The following STUM variants were observed in gnomAD, a reference collection of about 807,000 sequenced individuals.
STUM encodes the protein stum, mechanosensory transduction mediator homolog.
STUM carries 8 observed loss-of-function variants against 15.3 expected under a neutral mutation model. That is an observed-to-expected ratio of 0.52 (90% CI 0.31 to 0.94). The LOEUF (loss-of-function observed/expected upper bound fraction) is 0.94. Among genes scored for constraint, STUM ranks in the 40% least tolerant of loss-of-function variants. The probability of loss-of-function intolerance (pLI) is 0.05; values close to 1 mark genes in which losing one functional copy is unlikely to be tolerated. For missense variants in STUM, 142 were observed against 204.9 expected (o/e 0.69, Z 1.87); for synonymous variants, 78 against 88.7 (o/e 0.88, Z 0.68).
At chr1:226,561,870 C>T (rs776152435) in intron 1 of STUM, among the ~76,000 whole-genome samples, 7 of 152,138 alleles carry the variant, frequency 4.6e-5, no homozygotes, top group Non-Finnish European at 1.0e-4. Flanking sequence ...ACTGAGTGAA[C>T]GCAATTAACA....
At chr1:226,574,193 T>C (rs1349573197) in intron 1 of STUM, among the ~76,000 whole-genome samples, 1 of 152,192 alleles carries the variant, frequency 6.6e-6, no homozygotes, top group African/African-American at 2.4e-5. Context: ...TCTAGGCTTG[T>C]TCATCTTATG....
chr1:226,579,028 C>T (rs979825113), intron 1 of STUM, among the ~76,000 whole-genome samples: 1 of 152,200 alleles, frequency 6.6e-6, no homozygotes, highest in Admixed American at 6.5e-5. Context: ...GCCCATACCT[C>T]TGTGCATCCC....
chr1:226,594,948 G>T (rs77186454), intron 1 of STUM, among the ~76,000 whole-genome samples: 1 of 152,214 alleles, frequency 6.6e-6, no homozygotes, highest in Non-Finnish European at 1.5e-5. Context: ...GAGCCACTGC[G>T]CCGAGCCCTG....
intron 1 of STUM, among the ~76,000 whole-genome samples, chr1:226,569,611 C>T (rs1667674918): frequency 6.6e-6 from 1 of 152,186 alleles, no homozygotes; most frequent in African/African-American, 2.4e-5. Flanking sequence ...GAGATTCTGA[C>T]TCAATATTAG....
At position 226,602,966 on chromosome 1, in the gene STUM, A is replaced by G. The variant is rs1668296159; in HGVS notation, c.*926A>G. The stretch of plus-strand genomic sequence containing the variant: ...TTTCTAACTTCCCGGCAGAGTGTGG[A>G]ACATCTCGCCTACCATCAGGCACGT... On this transcript the variant is annotated 3_prime_UTR_variant, in exon 4 of 4. Transcript: ENST00000366788. 1 of 152,236 alleles carries G rather than the reference A, an allele frequency of 6.6e-6. No individual in the cohort carries two copies. Among genetic ancestry groups the G allele is most frequent in the South Asian group, 2.1e-4 (1 of 4,834 alleles). The allele number at this position is 152,236 out of a possible 1,614,324, so 9.4% of individuals were successfully genotyped here.
chr1:226,583,904 A>T (rs1261302450), intron 1 of STUM, among the ~76,000 whole-genome samples: 1 of 152,012 alleles, frequency 6.6e-6, no homozygotes, highest in Non-Finnish European at 1.5e-5. Context: ...ATCCTCGCCC[A>T]CTTCTTCTAT....
chr1:226,567,626 G>A lies in STUM; in HGVS notation c.202+18520G>A, dbSNP rs2102692586. On this transcript the variant is annotated intron_variant, in intron 1 of 3. Coordinates refer to ENST00000366788, the MANE Select transcript of STUM (RefSeq NM_001003665.4). The surrounding 1 kb of genome is among the most constrained non-coding windows in gnomAD (Gnocchi z 4.5). ...AATGAGCTATACAAAGAGATCGAGG[G>A]AGGAGATGAACAGGTAAGACAGAGA... 6.6e-6 allele frequency among the ~76,000 whole-genome samples: 1 copy of A among 152,300 alleles called. No individual in the cohort carries two copies. Among genetic ancestry groups the A allele is most frequent in the African/African-American group, 2.4e-5 (1 of 41,552 alleles).
intron 1 of STUM, among the ~76,000 whole-genome samples, chr1:226,591,730 A>G (rs569231569): frequency 6.6e-6 from 1 of 152,342 alleles, no homozygotes; most frequent in Non-Finnish European, 1.5e-5. Context: ...CAAAACTTTC[A>G]TATACACATT....
chr1:226,582,573 C>A (rs1243873495), intron 1 of STUM, among the ~76,000 whole-genome samples: 3 of 141,876 alleles, frequency 2.1e-5, no homozygotes, highest in Non-Finnish European at 4.5e-5. Flanking sequence ...CCAGCCTGAG[C>A]AACAAGAGCA....
At chr1:226,574,034 C>T (rs1667765339) in intron 1 of STUM, among the ~76,000 whole-genome samples, 1 of 152,182 alleles carries the variant, frequency 6.6e-6, no homozygotes, top group Admixed American at 6.5e-5. Context: ...TGGGGTTTTA[C>T]CATGTTGGTC....
chr1:226,569,366 CTG>C (rs1667670683), intron 1 of STUM, among the ~76,000 whole-genome samples: 1 of 152,194 alleles, frequency 6.6e-6, no homozygotes, highest in African/African-American at 2.4e-5. Context: ...GCCCAATGCT[CTG>C]TGACCCAGCA....
intron 1 of STUM, among the ~76,000 whole-genome samples, chr1:226,558,696 C>T (rs1020091306): frequency 2.6e-5 from 4 of 152,176 alleles, no homozygotes; most frequent in African/African-American, 9.7e-5. Flanking sequence ...TGGATGTGCA[C>T]CTGTGTGTTT....
chr1:226,592,223 T>G (rs1446052634), intron 1 of STUM, among the ~76,000 whole-genome samples: 4 of 152,276 alleles, frequency 2.6e-5, no homozygotes, highest in Non-Finnish European at 4.4e-5. Context: ...AATTTTTGTA[T>G]TTTTGGTAGA....
intron 1 of STUM, among the ~76,000 whole-genome samples, chr1:226,557,415 C>G (rs1450366928): frequency 6.6e-6 from 1 of 152,210 alleles, no homozygotes; most frequent in Non-Finnish European, 1.5e-5. Flanking sequence ...CATAACTTAA[C>G]TATTGTGAAT....
chr1:226,577,106 G>A (rs771413828), intron 1 of STUM, among the ~76,000 whole-genome samples: 1 of 152,198 alleles, frequency 6.6e-6, no homozygotes, highest in Admixed American at 6.5e-5. Context: ...GAAAGGTTAG[G>A]TGACTTGTCC....
At chr1:226,579,958 C>T (rs946133699) in intron 1 of STUM, among the ~76,000 whole-genome samples, 2 of 152,078 alleles carry the variant, frequency 1.3e-5, no homozygotes, top group African/African-American at 2.4e-5. Flanking sequence ...TGGGAGCAGC[C>T]GAAGGATAAT....
chr1:226,601,419 C>G (rs1273859184), intron 3 of STUM, among the ~76,000 whole-genome samples: 9 of 152,212 alleles, frequency 5.9e-5, no homozygotes, highest in Admixed American at 5.9e-4. Context: ...AACACAATAC[C>G]CTTTCACACC....
intron 1 of STUM, among the ~76,000 whole-genome samples, chr1:226,575,736 C>T (rs1667797929): frequency 2.0e-5 from 3 of 152,240 alleles, no homozygotes; most frequent in Non-Finnish European, 4.4e-5. Flanking sequence ...TTTTCAGCTC[C>T]TTTTAGGCAT....
chr1:226,587,724 TTC>T (rs1251367572), intron 1 of STUM, among the ~76,000 whole-genome samples: 1 of 152,144 alleles, frequency 6.6e-6, no homozygotes, highest in African/African-American at 2.4e-5. Context: ...GCCATACACC[TTC>T]TCTCTGCTGG....
Sources: gnomAD v4.1 joint callset for allele counts (sites outside exome capture counted in the v4.1 genomes callset) on GRCh38, gnomAD v4.1.1 for gene constraint, Gnocchi (gnomAD v3.1) non-coding constraint, MANE v1.5 for transcripts, NCBI Gene and HGNC (gene_info 2026-07-23, HGNC 2026-07-21) for gene names.